The following SPIDR variants were observed in gnomAD, a reference collection of about 807,000 sequenced individuals.
SPIDR encodes the protein DNA repair-scaffolding protein.
SPIDR carries 93 observed loss-of-function variants against 104.6 expected under a neutral mutation model. That is an observed-to-expected ratio of 0.89 (90% CI 0.75 to 1.06). SPIDR has a LOEUF of 1.06. SPIDR is among the 50% of genes least tolerant of loss of function. The pLI is 0.00. For synonymous variants in SPIDR, 431 were observed against 416.9 expected (o/e 1.03, Z -0.41); for missense variants, 1,154 against 1,111.2 (o/e 1.04, Z -0.55).
intron 10 of SPIDR, among the ~76,000 whole-genome samples, chr8:47,671,619 A>AATAAATAC (rs957353976): frequency 2.7e-5 from 4 of 149,268 alleles, no homozygotes; most frequent in South Asian, 2.2e-4. Flanking sequence ...TAAATAAATA[A>AATAAATAC]ATACAAATAA....
At chr8:47,405,291 C>CGTGT (rs34302817) in intron 6 of SPIDR, among the ~76,000 whole-genome samples, 5,662 of 144,920 alleles carry the variant, frequency 0.039, 171 homozygotes, top group African/African-American at 0.082. Flanking sequence ...CAACATGGCA[C>CGTGT]GTGTGTGTGT....
intron 11 of SPIDR, among the ~76,000 whole-genome samples, chr8:47,681,405 G>A (rs1441899223): frequency 6.6e-6 from 1 of 151,908 alleles, no homozygotes; most frequent in African/African-American, 2.4e-5. Flanking sequence ...CATTTTAGAA[G>A]GTACAGTAAG....
chr8:47,548,253 G>T (rs1023770008), intron 8 of SPIDR, among the ~76,000 whole-genome samples: 1 of 152,186 alleles, frequency 6.6e-6, no homozygotes, highest in Non-Finnish European at 1.5e-5. Context: ...TTATACAGAC[G>T]AAGTGAATTG....
chr8:47,422,407 C>T (rs1272873343), intron 7 of SPIDR, among the ~76,000 whole-genome samples: 1 of 152,186 alleles, frequency 6.6e-6, no homozygotes, highest in East Asian at 1.9e-4. Flanking sequence ...ACCCTCCGAG[C>T]CACGTGCGGG....
chr8:47,592,785 T>C (rs1026098980), intron 8 of SPIDR, among the ~76,000 whole-genome samples: 3 of 152,204 alleles, frequency 2.0e-5, no homozygotes, highest in Non-Finnish European at 4.4e-5. Context: ...TTTAGAAAAC[T>C]CAAGAGGAGT....
intron 6 of SPIDR, among the ~76,000 whole-genome samples, chr8:47,399,039 A>G (rs2061555422): frequency 6.6e-6 from 1 of 152,248 alleles, no homozygotes; most frequent in African/African-American, 2.4e-5. Context: ...TGAAGACAGC[A>G]CGATGGAACT....
chr8:47,475,806 C>T (rs2076219491), intron 8 of SPIDR, among the ~76,000 whole-genome samples: 1 of 152,106 alleles, frequency 6.6e-6, no homozygotes. Flanking sequence ...AATACAGTAT[C>T]CGCCCCCCGC....
intron 8 of SPIDR, among the ~76,000 whole-genome samples, chr8:47,534,262 G>T (rs985090477): frequency 7.2e-5 from 11 of 152,268 alleles, no homozygotes; most frequent in Admixed American, 7.2e-4. Flanking sequence ...AGCAACATAA[G>T]AACAGACTAA....
intron 8 of SPIDR, among the ~76,000 whole-genome samples, chr8:47,496,634 G>C (rs1475545858): frequency 1.3e-5 from 2 of 151,386 alleles, no homozygotes; most frequent in Admixed American, 1.3e-4. Context: ...ACTCATAAGA[G>C]ATATGGGTCT....
chr8:47,503,107 T>C (rs1383675738), intron 8 of SPIDR, among the ~76,000 whole-genome samples: 2 of 152,326 alleles, frequency 1.3e-5, no homozygotes, highest in East Asian at 3.9e-4. Flanking sequence ...AAAGAATGTA[T>C]ATTCTGTTGA....
chr8:47,647,572 C>T (rs1054023659), intron 10 of SPIDR, among the ~76,000 whole-genome samples: 1 of 145,552 alleles, frequency 6.9e-6, no homozygotes, highest in Non-Finnish European at 1.5e-5. Context: ...CGAGATTGCG[C>T]CACTGCACTC....
chr8:47,366,545 A>G (rs1022726429), intron 5 of SPIDR, among the ~76,000 whole-genome samples: 25 of 152,204 alleles, frequency 1.6e-4, no homozygotes, highest in African/African-American at 6.0e-4. Context: ...GTGGCGAGGA[A>G]GGGCAAGTTG....
Position 47,300,359 on chromosome 8 carries a change from T to G in SPIDR, c.525+6329T>G, listed in dbSNP as rs973279871. Among the ~76,000 whole-genome samples the G allele has an allele frequency of 1.2e-4, 18 of 152,348 alleles. No individual in the cohort carries two copies. The South Asian group carries it at 3.7e-3, about 32-fold the overall frequency. On this transcript the variant is annotated intron_variant, in intron 5 of 19. Transcript: ENST00000297423. Reference sequence around the variant, plus strand: ...TTCTCTCTTTTCTTCTTTATTAGTCTTGCTAGCAGTCTATCAGTTTTGTTG... The same window carrying G: ...TTCTCTCTTTTCTTCTTTATTAGTCGTGCTAGCAGTCTATCAGTTTTGTTG...
intron 1 of SPIDR, among the ~76,000 whole-genome samples, chr8:47,271,763 C>G (rs928590424): frequency 6.6e-6 from 1 of 151,976 alleles, no homozygotes; most frequent in African/African-American, 2.4e-5. Context: ...CCTTATCATG[C>G]TTTCCTGTTT....
intron 19 of SPIDR, among the ~76,000 whole-genome samples, chr8:47,733,380 C>CA (rs1364367799): frequency 1.3e-5 from 2 of 152,138 alleles, no homozygotes; most frequent in Non-Finnish European, 2.9e-5. Flanking sequence ...GAGCAAGACT[C>CA]AGTCTCAAAA....
At chr8:47,510,827 A>G (rs2082203569) in intron 8 of SPIDR, among the ~76,000 whole-genome samples, 1 of 152,192 alleles carries the variant, frequency 6.6e-6, no homozygotes, top group Admixed American at 6.5e-5. Context: ...TTTTTTCATT[A>G]AAGTCCATTG....
intron 5 of SPIDR, among the ~76,000 whole-genome samples, chr8:47,341,352 T>A (rs897198782): frequency 6.6e-6 from 1 of 152,226 alleles, no homozygotes; most frequent in African/African-American, 2.4e-5. Context: ...GAAGAATTTC[T>A]GTGTAAGTAA....
upstream of SPIDR, chr8:47,260,907 G>A (rs2031920739): frequency 1.7e-6 from 2 of 1,210,238 alleles, no homozygotes; most frequent in Non-Finnish European, 2.1e-6. Context: ...GCGCGCCGAG[G>A]TGGGACGGCG....
chr8:47,543,793 C>T (rs1424698364), intron 8 of SPIDR, among the ~76,000 whole-genome samples: 2 of 152,084 alleles, frequency 1.3e-5, no homozygotes, highest in Non-Finnish European at 2.9e-5. Flanking sequence ...AGAACTGGTC[C>T]AGAGATATGG....
Sources: gnomAD v4.1 joint callset for allele counts (sites outside exome capture counted in the v4.1 genomes callset) on GRCh38, gnomAD v4.1.1 for gene constraint, MANE v1.5 for transcripts, NCBI Gene and HGNC (gene_info 2026-07-23, HGNC 2026-07-21) for gene names.